The following TTC7B variants were observed in gnomAD, a reference collection of about 807,000 sequenced individuals.
TTC7B encodes the protein tetratricopeptide repeat domain 7B.
A neutral mutation model predicts 106.8 loss-of-function variants in TTC7B; 28 were observed. The ratio of observed to expected loss-of-function variants is 0.26; its 90% CI spans 0.19 to 0.36. The LOEUF is 0.36. Ranked by LOEUF, TTC7B falls within the 10% of genes least tolerant of loss-of-function variation. The pLI, the probability that TTC7B is intolerant of heterozygous loss-of-function variation, is 1.00. For synonymous variants in TTC7B, 405 were observed against 430.6 expected (o/e 0.94, Z 0.74); for missense variants, 862 against 1,076.4 (o/e 0.80, Z 2.79).
intron 19 of TTC7B, among the ~76,000 whole-genome samples, chr14:90,558,979 TGACGGCAGA>T (rs1209747186): frequency 6.6e-6 from 1 of 152,204 alleles, no homozygotes; most frequent in Non-Finnish European, 1.5e-5. Context: ...GATGCTTGGG[TGACGGCAGA>T]GACCCAGCCT....
rs1314571880 is a variant in TTC7B, at chr14:90,808,597, T to C, written c.121+7578A>G. On this transcript the variant is annotated intron_variant, in intron 1 of 19. Transcript: ENST00000328459. This position sits in a 1 kb window ranked among gnomAD's most constrained non-coding sequence, Gnocchi z 4.2. ...TGCAGCCACTCCATTAGCTTTCCTG[T>C]GGCTGTGGCCGTCTTTCATATTTTA... Among the ~76,000 whole-genome samples, 1 of 152,186 alleles carries C rather than the reference T, an allele frequency of 6.6e-6. No individual in the cohort carries two copies. Among genetic ancestry groups the C allele is most frequent in the African/African-American group, 2.4e-5 (1 of 41,448 alleles).
chr14:90,564,976 A>G (rs2086013150), intron 19 of TTC7B, among the ~76,000 whole-genome samples: 1 of 152,244 alleles, frequency 6.6e-6, no homozygotes, highest in South Asian at 2.1e-4. Context: ...TCTTCTGGAT[A>G]ACTTGCTGCA....
At chr14:90,550,966 G>C (rs561846272) in intron 19 of TTC7B, among the ~76,000 whole-genome samples, 3 of 152,336 alleles carry the variant, frequency 2.0e-5, no homozygotes, top group African/African-American at 4.8e-5. Context: ...GCATTAGCAT[G>C]ATGGTCTCTG....
chr14:90,622,853 T>G (rs545777428), intron 15 of TTC7B, among the ~76,000 whole-genome samples: 1 of 152,298 alleles, frequency 6.6e-6, no homozygotes, highest in South Asian at 2.1e-4. Flanking sequence ...GACCCAAATC[T>G]AGCATTTCAT....
chr14:90,579,838 AC>A (rs1684204761), intron 18 of TTC7B, among the ~76,000 whole-genome samples: 1 of 152,222 alleles, frequency 6.6e-6, no homozygotes, highest in East Asian at 1.9e-4. Context: ...AACGAAAAAA[AC>A]AAGAAAGTTT....
rs142344466 is a variant in TTC7B at position 90,768,357 on chromosome 14, G to GGA, written c.445+12379_445+12380dup. Among the ~76,000 whole-genome samples the GGA allele has an allele frequency of 2.0e-3, 301 of 151,112 alleles. 1 individual carries two copies. Among genetic ancestry groups the GGA allele is most frequent in the Admixed American group, 3.9e-3 (59 of 15,154 alleles). ...GCCACCTTCTTTACAAGGCAGTGGG[G>GGA]GAGAGAGAGAGAGAGAGTGAAGGAG... On this transcript the variant is annotated intron_variant, in intron 3 of 19. Transcript: ENST00000328459.
At chr14:90,671,938 C>T (rs1394043978) in intron 9 of TTC7B, among the ~76,000 whole-genome samples, 4 of 152,182 alleles carry the variant, frequency 2.6e-5, no homozygotes, top group Admixed American at 6.5e-5. Flanking sequence ...TCCCACTTAC[C>T]CCTGTGAGCA....
chr14:90,689,671 C>T lies in TTC7B; in HGVS notation c.819G>A (p.Met273Ile), dbSNP rs765239058. The T allele has an allele frequency of 5.0e-6, 8 of 1,614,206 alleles. No individual in the cohort carries two copies. The highest frequency in any genetic ancestry group is 6.8e-6 in the Non-Finnish European group (8 of 1,180,040). Residue 273 changes from methionine to isoleucine, a missense_variant, in exon 7 of 20, where the codon ATG becomes ATA. Coordinates refer to ENST00000328459, the MANE Select transcript of TTC7B (RefSeq NM_001010854.2). ...GAGGGTTCCAGTAGCTCTGCTCACA[C>T]ATACCCCGCAACAAGATCTCTGCCA... ...RQLAEILLRG[M>I]CEQSYWNPLE...
At chr14:90,716,058 G>A (rs1477465066) in intron 5 of TTC7B, among the ~76,000 whole-genome samples, 11 of 152,148 alleles carry the variant, frequency 7.2e-5, no homozygotes, top group Admixed American at 5.9e-4. Context: ...GGTCCGTCAC[G>A]ATAGGCAGAG....
intron 5 of TTC7B, among the ~76,000 whole-genome samples, chr14:90,717,498 T>G (rs1742084): frequency 0.48 from 72,629 of 151,980 alleles, 17,908 homozygotes; most frequent in African/African-American, 0.54. Flanking sequence ...GTGGGTACTT[T>G]TAGAAAAATT....
chr14:90,619,143 C>T (rs952621326), intron 15 of TTC7B, among the ~76,000 whole-genome samples: 3 of 152,192 alleles, frequency 2.0e-5, no homozygotes, highest in Non-Finnish European at 4.4e-5. Flanking sequence ...ACCTCGTGAT[C>T]CTCCCAAAGT....
At chr14:90,795,603 T>G (rs1891749747) in intron 1 of TTC7B, among the ~76,000 whole-genome samples, 1 of 152,220 alleles carries the variant, frequency 6.6e-6, no homozygotes, top group South Asian at 2.1e-4. Context: ...GCAAGACACT[T>G]AACCTCTCTG....
chr14:90,669,100 C>T (rs948577485), intron 9 of TTC7B, among the ~76,000 whole-genome samples: 1 of 151,912 alleles, frequency 6.6e-6, no homozygotes, highest in African/African-American at 2.4e-5. Flanking sequence ...GTGCCAAGTC[C>T]ATTGAATAGG....
intron 16 of TTC7B, among the ~76,000 whole-genome samples, chr14:90,617,613 T>C (rs2139848203): frequency 6.6e-6 from 1 of 152,306 alleles, no homozygotes; most frequent in East Asian, 1.9e-4. Context: ...ACCAGAAAGA[T>C]AAGACTGGTC....
chr14:90,594,866 C>T (rs1722076914), intron 17 of TTC7B, among the ~76,000 whole-genome samples: 1 of 152,022 alleles, frequency 6.6e-6, no homozygotes, highest in Non-Finnish European at 1.5e-5. Flanking sequence ...TTTGATTGCT[C>T]CAATATAATG....
chr14:90,598,918 C>T (rs1286466), intron 17 of TTC7B, among the ~76,000 whole-genome samples: 19,801 of 152,124 alleles, frequency 0.13, 1,301 homozygotes, highest in East Asian at 0.21. Context: ...GAGGCTGAGG[C>T]GGGTGGATCA....
At chr14:90,588,832 G>A (rs781541280) in intron 18 of TTC7B, among the ~76,000 whole-genome samples, 9 of 146,452 alleles carry the variant, frequency 6.1e-5, no homozygotes, top group African/African-American at 1.0e-4. Context: ...CACAGATGCC[G>A]TAAGAAAAAA....
chr14:90,547,349 CA>C (rs1262221694), intron 19 of TTC7B, among the ~76,000 whole-genome samples: 2 of 152,242 alleles, frequency 1.3e-5, no homozygotes, highest in African/African-American at 4.8e-5. Context: ...AATTGCTGCC[CA>C]GGGGCTAAAC....
At chr14:90,571,746 T>TTGGGCC (rs1891043521) in intron 19 of TTC7B, among the ~76,000 whole-genome samples, 1 of 152,222 alleles carries the variant, frequency 6.6e-6, no homozygotes, top group South Asian at 2.1e-4. Flanking sequence ...ATCAGCTTAA[T>TTGGGCC]TGGGCCTGGG....
Sources: allele counts gnomAD v4.1 joint callset (sites outside exome capture counted in the v4.1 genomes callset), GRCh38; gene constraint gnomAD v4.1.1; non-coding constraint Gnocchi (gnomAD v3.1); transcripts MANE v1.5; gene names NCBI Gene and HGNC (gene_info 2026-07-23, HGNC 2026-07-21).